The following UTP20 variants were observed in gnomAD, a reference collection of about 807,000 sequenced individuals.
UTP20 encodes the protein small subunit processome component 20 homolog.
UTP20 carries 164 observed loss-of-function variants against 329.5 expected under a neutral mutation model. The observed-to-expected ratio is 0.50, with a 90% CI of 0.44 to 0.57. UTP20 has a LOEUF of 0.57. Among genes scored for constraint, UTP20 ranks in the 20% least tolerant of loss-of-function variants. The probability of loss-of-function intolerance (pLI) is 0.00; values close to 1 mark genes in which losing one functional copy is unlikely to be tolerated. For synonymous variants in UTP20, 1,151 were observed against 1,159.3 expected, an observed-to-expected ratio of 0.99 and a Z score of 0.14; for missense variants, 3,055 against 3,284.2, an observed-to-expected ratio of 0.93 and a Z score of 1.71.
At chr12:101,329,546 T>C in intron 27 of UTP20, 97 bp downstream of exon 27, 5 of 1,237,304 alleles carry the variant, frequency 4.0e-6, no homozygotes, top group Non-Finnish European at 5.6e-6. Context: ...ATCTTCCAAC[T>C]CTCATTTCAA....
chr12:101,345,278 T>A (rs1593441610), intron 36 of UTP20, among the ~76,000 whole-genome samples: 1 of 151,472 alleles, frequency 6.6e-6, no homozygotes, highest in East Asian at 1.9e-4. Context: ...AGCTGTCAGG[T>A]TTTTTTTGTT....
chr12:101,355,544 G>A (rs1459326812), intron 41 of UTP20, among the ~76,000 whole-genome samples: 2 of 152,130 alleles, frequency 1.3e-5, no homozygotes, highest in Non-Finnish European at 1.5e-5. Context: ...GGTGAAACAC[G>A]GGTTGGCCAA....
At chr12:101,361,159 A>G (rs1869900376) in intron 43 of UTP20, among the ~76,000 whole-genome samples, 1 of 152,180 alleles carries the variant, frequency 6.6e-6, no homozygotes, top group Admixed American at 6.5e-5. Context: ...GATTTAATAC[A>G]TGTAAGGTAT....
chr12:101,372,387 C>T lies in UTP20; in HGVS notation c.6799-497C>T, dbSNP rs117224344. ...TCAACTAGAAAATGGGCTATTATCA[C>T]GAACTTCTTAAGGGAATGATGAGAT... On this transcript the variant is annotated intron_variant, in intron 51 of 61. Transcript: ENST00000261637. Among the ~76,000 whole-genome samples the T allele has an allele frequency of 4.3e-4, 66 of 152,312 alleles. No individual in the cohort carries two copies. The East Asian group carries it at 4.4e-3, about 10-fold the overall frequency.
intron 38 of UTP20, among the ~76,000 whole-genome samples, chr12:101,349,710 G>A (rs1221665552): frequency 3.9e-5 from 6 of 151,986 alleles, no homozygotes; most frequent in African/African-American, 1.4e-4. Flanking sequence ...CAAAGTGTTG[G>A]GATTACAGGG....
At chr12:101,320,816 T>G (rs1183428232) in intron 23 of UTP20, 36 bp from the exon 24 acceptor site, 3 of 1,565,402 alleles carry the variant, frequency 1.9e-6, no homozygotes, top group Non-Finnish European at 8.7e-7. Context: ...TATATGTATA[T>G]ATGACTTCAT....
At chr12:101,307,038 C>T (rs533367237) in intron 17 of UTP20, among the ~76,000 whole-genome samples, 5 of 151,888 alleles carry the variant, frequency 3.3e-5, no homozygotes, top group South Asian at 2.1e-4. Flanking sequence ...ATTAGCCAGG[C>T]GTGGTGGCGG....
At chr12:101,303,445 A>C (rs1331930978) in intron 15 of UTP20, among the ~76,000 whole-genome samples, 1 of 151,984 alleles carries the variant, frequency 6.6e-6, no homozygotes, top group Non-Finnish European at 1.5e-5. Context: ...TGAGGAGGAG[A>C]CACTTAAGCA....
Position 101,352,071 on chromosome 12 carries a change from C to A in UTP20, c.4901C>A (p.Thr1634Asn). ...GTTTTACAGCATGAAAATATAACCA[C>A]TGCTGCCACAGAGATTATTGGAGCC... The part of the protein sequence containing the change: ...EKMLKHENIT[T>N]AATEIIGAIC... The change falls in exon 39 of 62, where the codon ACT becomes AAT. Residue 1634 changes from threonine (T) to asparagine (N), a missense_variant. Thr to Asn is a moderately conservative substitution (Grantham distance 65). This residue lies in a region of UTP20 where 2,445 missense variants were observed against 2,575.5 expected (regional missense o/e 0.95). Coordinates refer to ENST00000261637, the MANE Select transcript of UTP20 (RefSeq NM_014503.3). The A allele has an allele frequency of 6.2e-7, 1 of 1,613,678 alleles. No individual in the cohort carries two copies. The highest frequency in any genetic ancestry group is 8.5e-7 in the Non-Finnish European group (1 of 1,179,950).
Position 101,327,078 on chromosome 12 carries a change from C to T in UTP20, c.3042-3C>T, listed in dbSNP as rs1351424275. The T allele has an allele frequency of 6.3e-7, 1 of 1,588,862 alleles. No individual in the cohort carries two copies. The highest frequency in any genetic ancestry group is 8.6e-7 in the Non-Finnish European group (1 of 1,161,244). On this transcript the variant is annotated splice_region_variant and splice_polypyrimidine_tract_variant and intron_variant, in intron 25 of 61. Coordinates refer to ENST00000261637, the MANE Select transcript of UTP20 (RefSeq NM_014503.3). ...AACAAATAATGTGCTTTTGCCTTTT[C>T]AGAATTTTGTATGGGCGAATGAAGA...
intron 59 of UTP20, 114 bp from the exon 60 acceptor site, chr12:101,383,429 G>T: frequency 1.3e-6 from 2 of 1,493,336 alleles, no homozygotes; most frequent in Non-Finnish European, 1.8e-6. Flanking sequence ...CCAAACTGCA[G>T]CAATAACATC....
intron 14 of UTP20, 63 bp from the exon 15 acceptor site, chr12:101,302,385 G>A (rs1260668380): frequency 1.0e-6 from 1 of 981,640 alleles, no homozygotes; most frequent in African/African-American, 1.6e-5. Context: ...TAAATAAGGT[G>A]TTTGATAGTT....
chr12:101,306,102 CTT>C, intron 16 of UTP20, 37 bp downstream of exon 16: 1 of 1,573,624 alleles, frequency 6.4e-7, no homozygotes, highest in Non-Finnish European at 8.6e-7. Flanking sequence ...CTCAGTCTCT[CTT>C]CTCCTGTTTC....
At position 101,356,598 on chromosome 12, in the gene UTP20, G is replaced by A; in HGVS notation, c.5439G>A (p.Val1813=). Residue 1813 remains valine (V), a synonymous_variant, in exon 42 of 62, where the codon GTG becomes GTA. Coordinates refer to ENST00000261637, the MANE Select transcript of UTP20 (RefSeq NM_014503.3). ...ACAAGCTTGTCAAGTCAAAGGTTGT[G>A]AATGATGAGGAAGTCGTTCGAGTTC... is the stretch of plus-strand genomic sequence containing the variant. ...EEHKLVKSKV[V]NDEEVVRVPL... is the part of the protein sequence containing the mutation. 1 of 1,613,870 alleles carries A rather than the reference G, an allele frequency of 6.2e-7. No individual in the cohort carries two copies.
At chr12:101,379,912 C>T (rs1409797632) in intron 57 of UTP20, among the ~76,000 whole-genome samples, 1 of 151,498 alleles carries the variant, frequency 6.6e-6, no homozygotes, top group African/African-American at 2.4e-5. Context: ...CTCTGCCTCC[C>T]GAATTCAAGG....
chr12:101,334,381 T>C (rs767823839), intron 28 of UTP20, 44 bp from the exon 29 acceptor site: 1 of 1,535,028 alleles, frequency 6.5e-7, no homozygotes, highest in South Asian at 1.2e-5. Flanking sequence ...TTTCTATAAT[T>C]TGGTATATGT....
chr12:101,332,337 C>G (rs1184705658), intron 27 of UTP20, among the ~76,000 whole-genome samples: 1 of 151,604 alleles, frequency 6.6e-6, no homozygotes, highest in Non-Finnish European at 1.5e-5. Context: ...AGCTCCATCT[C>G]AAAAAGAAAA....
In UTP20 at chr12:101,307,348, T is replaced by A. The variant is rs189860390; in HGVS notation, c.1995+587T>A. On this transcript the variant is annotated intron_variant, in intron 17 of 61. Transcript: ENST00000261637. ...ACATAATTTAAACAAATGGGGTTTT[T>A]CCATATGATTACCTCTATATCTACC... Among the ~76,000 whole-genome samples, 27 of 151,810 alleles carry A rather than the reference T, an allele frequency of 1.8e-4. No individual in the cohort carries two copies. In the East Asian group the frequency reaches 4.8e-3, roughly 27 times the overall value.
chr12:101,339,089 G>A (rs1296242105), intron 31 of UTP20, 132 bp downstream of exon 31: 14 of 866,760 alleles, frequency 1.6e-5, no homozygotes, highest in Non-Finnish European at 2.2e-5. Flanking sequence ...GAGGTGGGTG[G>A]ATCACCTGAG....
Sources: gnomAD v4.1 joint callset for allele counts (sites outside exome capture counted in the v4.1 genomes callset) on GRCh38, gnomAD v4.1.1 for gene constraint, gnomAD v4.1.1 regional missense constraint, MANE v1.5 for transcripts, NCBI Gene and HGNC (gene_info 2026-07-23, HGNC 2026-07-21) for gene names.